The following ANO1 variants were observed in gnomAD, a reference collection of about 807,000 sequenced individuals.
The protein encoded by ANO1 is anoctamin 1.
In ANO1, 59 loss-of-function variants were observed where a neutral mutation model predicts 124.0. The ratio of observed to expected loss-of-function variants is 0.48; its 90% CI spans 0.39 to 0.59. ANO1 has a LOEUF of 0.59. Ranked by LOEUF, ANO1 falls within the 20% of genes least tolerant of loss-of-function variation. The pLI is 0.00. For synonymous variants in ANO1, 529 were observed against 532.0 expected (o/e 0.99, Z 0.08); for missense variants, 1,059 against 1,328.0 (o/e 0.80, Z 3.15).
chr11:69,970,235 G>T, the ANO1 span, among the ~76,000 whole-genome samples: 2 of 152,170 alleles, frequency 1.3e-5, no homozygotes, highest in Non-Finnish European at 2.9e-5. Flanking sequence ...CACATCAGAA[G>T]CCCGAGCAGA....
At chr11:70,060,941 C>T (rs1294377570) in intron 1 of ANO1, among the ~76,000 whole-genome samples, 3 of 152,106 alleles carry the variant, frequency 2.0e-5, no homozygotes, top group African/African-American at 7.2e-5. Flanking sequence ...AACTTAGGGT[C>T]TATGAGATCA....
chr11:70,121,255 GCCTC>G (rs2046252550), intron 8 of ANO1, among the ~76,000 whole-genome samples: 1 of 143,000 alleles, frequency 7.0e-6, no homozygotes, highest in African/African-American at 2.6e-5. Flanking sequence ...CTCTGTCTCT[GCCTC>G]TCTCTCCATC....
intron 1 of ANO1, among the ~76,000 whole-genome samples, chr11:70,010,902 G>A (rs1856588892): frequency 6.6e-6 from 1 of 152,208 alleles, no homozygotes; most frequent in Non-Finnish European, 1.5e-5. Flanking sequence ...TATTTATAGT[G>A]GCTACTGTTT....
chr11:70,149,649 T>TAAAA (rs34756275), intron 11 of ANO1, 61 bp from the exon 12 acceptor site: 10 of 1,381,138 alleles, frequency 7.2e-6, no homozygotes, highest in South Asian at 2.6e-5. Context: ...AAACTCTGTC[T>TAAAA]AAAAAAAAAA....
At chr11:70,141,650 G>C (rs1351825080) in intron 11 of ANO1, 8 of 152,200 alleles carry the variant, frequency 5.3e-5, no homozygotes, top group African/African-American at 1.2e-4. Context: ...AGGTGTGAGC[G>C]GAGAGGGGAG....
intron 1 of ANO1, among the ~76,000 whole-genome samples, chr11:70,018,958 C>CA (rs1288932315): frequency 1.3e-5 from 2 of 152,212 alleles, no homozygotes; most frequent in African/African-American, 4.8e-5. Context: ...CGTTCACACA[C>CA]AGTTAGAGTC....
At chr11:70,052,512 G>A (rs895525245) in intron 1 of ANO1, among the ~76,000 whole-genome samples, 1 of 124,808 alleles carries the variant, frequency 8.0e-6, no homozygotes, top group Non-Finnish European at 1.7e-5. Flanking sequence ...CCAATTTGGG[G>A]AGAATTTCTT....
intron 8 of ANO1, among the ~76,000 whole-genome samples, chr11:70,120,201 T>C (rs2046202331): frequency 6.6e-6 from 1 of 151,974 alleles, no homozygotes; most frequent in Non-Finnish European, 1.5e-5. Flanking sequence ...GAAGAGAGTG[T>C]AGGGAAGTTT....
upstream of ANO1, chr11:70,074,947 G>A (rs782000425): frequency 6.6e-6 from 1 of 152,260 alleles, no homozygotes; most frequent in Non-Finnish European, 1.5e-5. Context: ...ACCGCCAGGC[G>A]CTGGGCCTCT....
chr11:70,036,617 TG>T (rs1206619224), intron 1 of ANO1, among the ~76,000 whole-genome samples: 5 of 152,304 alleles, frequency 3.3e-5, no homozygotes, highest in African/African-American at 1.2e-4. Context: ...TGTTTTGTTT[TG>T]TTTTTTTAAG....
chr11:70,050,794 G>GA (rs1857339728), intron 1 of ANO1, among the ~76,000 whole-genome samples: 1 of 152,116 alleles, frequency 6.6e-6, no homozygotes, highest in South Asian at 2.1e-4. Flanking sequence ...CTAGCTTTGT[G>GA]ACCTAGGGCA....
In ANO1 at chr11:70,105,773, A is replaced by T; in HGVS notation, c.732A>T (p.Lys244Asn). The change falls in exon 5 of 26, where the codon AAA (lysine) becomes AAT (asparagine). Residue 244 changes from lysine to asparagine, a missense_variant. By Grantham distance (94) the Lys-to-Asn change is moderately conservative. Coordinates refer to ENST00000355303, the MANE Select transcript of ANO1 (RefSeq NM_018043.7). ...ATAAGGATTCCTTTTTCGACAGCAA[A>T]ACCCGGAGCACGATTGTAAGTATCG... ...LSDKDSFFDS[K>N]TRSTIVYEIL... 6.2e-7 allele frequency: 1 copy of T among 1,613,670 alleles called. No individual in the cohort carries two copies. The highest frequency in any genetic ancestry group is 8.5e-7 in the Non-Finnish European group (1 of 1,179,780).
intron 1 of ANO1, among the ~76,000 whole-genome samples, chr11:70,086,398 A>G (rs1033716814): frequency 6.6e-6 from 1 of 152,192 alleles, no homozygotes; most frequent in African/African-American, 2.4e-5. Flanking sequence ...AAACTGCTCC[A>G]TACTGCTATC....
chr11:70,097,358 C>T (rs1393744826), intron 2 of ANO1, among the ~76,000 whole-genome samples: 1 of 152,160 alleles, frequency 6.6e-6, no homozygotes, highest in African/African-American at 2.4e-5. Context: ...GAAGCAATCC[C>T]TCAACTGTGC....
intron 1 of ANO1, among the ~76,000 whole-genome samples, chr11:70,058,187 C>G (rs141379417): frequency 0.011 from 1,683 of 152,202 alleles, 14 homozygotes; most frequent in Non-Finnish European, 0.015. Context: ...AGGAGAAAAA[C>G]AGGTATTAAA....
In ANO1 at chr11:70,095,412, A is replaced by AT. The variant is rs1244484495; in HGVS notation, c.441+7328_441+7329insT. 3.1e-4 allele frequency among the ~76,000 whole-genome samples: 22 copies of AT among 70,550 alleles called. 5 individuals carry two copies. In the South Asian group the frequency reaches 6.9e-3, roughly 22 times the overall value. The allele number at this position is 70,550 out of a possible 152,430, so 46.3% of individuals were successfully genotyped here. On this transcript the variant is annotated intron_variant, in intron 2 of 25. Coordinates refer to ENST00000355303, the MANE Select transcript of ANO1 (RefSeq NM_018043.7). ...AAAGAAAGAAAGAAAGAAAGAAAGA[A>AT]AGAAAGAAAGAAAGAAAAGAAAAGA...
At chr11:70,036,088 G>T (rs1341494285) in intron 1 of ANO1, among the ~76,000 whole-genome samples, 4 of 152,118 alleles carry the variant, frequency 2.6e-5, no homozygotes, top group African/African-American at 4.8e-5. Context: ...CATCAACTGG[G>T]GGCCTTCAGC....
At chr11:70,035,027 C>T (rs1857069794) in intron 1 of ANO1, among the ~76,000 whole-genome samples, 1 of 151,974 alleles carries the variant, frequency 6.6e-6, no homozygotes, top group African/African-American at 2.4e-5. Context: ...TTGGGGGACC[C>T]CATGGGACTC....
chr11:70,024,417 G>A (rs573544937), intron 1 of ANO1, among the ~76,000 whole-genome samples: 43 of 152,242 alleles, frequency 2.8e-4, no homozygotes, highest in African/African-American at 9.1e-4. Context: ...AGTGAGTGCC[G>A]GGCAGAAGAC....
Sources: gnomAD v4.1 joint callset for allele counts (sites outside exome capture counted in the v4.1 genomes callset) on GRCh38, gnomAD v4.1.1 for gene constraint, MANE v1.5 for transcripts, NCBI Gene and HGNC (gene_info 2026-07-23, HGNC 2026-07-21) for gene names.